SHANK2: variants seen among roughly 807,000 people sequenced by gnomAD.
SHANK2 encodes the protein SH3 and multiple ankyrin repeat domains protein 2.
SHANK2 carries 43 observed loss-of-function variants against 133.7 expected under a neutral mutation model. The observed-to-expected ratio is 0.32, with a 90% CI of 0.25 to 0.41. SHANK2 has a LOEUF of 0.41. SHANK2 is among the 10% of genes least tolerant of loss of function. SHANK2 has a pLI of 1.00. For missense variants in SHANK2, 1,994 were observed against 2,235.8 expected (o/e 0.89, Z 2.18); for synonymous variants, 1,017 against 952.8 (o/e 1.07, Z -1.24).
chr11:70,738,913 CGGCCCAT>C (rs1555034164), intron 14 of SHANK2, among the ~76,000 whole-genome samples: 1 of 152,218 alleles, frequency 6.6e-6, no homozygotes, highest in East Asian at 1.9e-4. Context: ...AATGGAGATC[CGGCCCAT>C]GGAGAAAGAC....
chr11:70,915,421 G>A (rs11237972), intron 10 of SHANK2, among the ~76,000 whole-genome samples: 246 of 152,280 alleles, frequency 1.6e-3, no homozygotes, highest in Non-Finnish European at 3.0e-3. Context: ...AATAATCCAA[G>A]AATAGCTATC....
chr11:70,584,902 T>G (rs1175463267), intron 17 of SHANK2, among the ~76,000 whole-genome samples: 1 of 152,246 alleles, frequency 6.6e-6, no homozygotes, highest in Non-Finnish European at 1.5e-5. Context: ...TTTTGTGTCA[T>G]TCCACTACAT....
intron 2 of SHANK2, among the ~76,000 whole-genome samples, chr11:71,161,847 T>C (rs117052659): frequency 6.6e-6 from 1 of 152,222 alleles, no homozygotes; most frequent in Non-Finnish European, 1.5e-5. Context: ...TCACTCACAT[T>C]TGGCTCAGAA....
chr11:70,599,909 A>AAGAT (rs1565166317), intron 17 of SHANK2, among the ~76,000 whole-genome samples: 6 of 37,506 alleles, frequency 1.6e-4, no homozygotes, highest in African/African-American at 7.0e-4. Flanking sequence ...AAGAAAGAGA[A>AAGAT]AGAAAGAAAG....
chr11:71,203,626 G>A (rs1565512344), intron 2 of SHANK2, among the ~76,000 whole-genome samples: 2 of 152,108 alleles, frequency 1.3e-5, no homozygotes, highest in Non-Finnish European at 1.5e-5. Flanking sequence ...AGAAAGACGG[G>A]GTCCTTACCC....
Position 70,486,911 on chromosome 11 carries a change from C to G in SHANK2, c.3382G>C (p.Glu1128Gln). ...TCCTCGTCAGCAAAATCCCCCTCCT[C>G]GGGGAACATGGAGGGCCGCGTCCTG... ...APRTRPSMFP[E>Q]EGDFADEDSA... Residue 1128 changes from glutamate (E) to glutamine (Q), a missense_variant, in exon 25 of 26, where the codon GAG (glutamate) becomes CAG (glutamine). Physicochemically the swap from Glu to Gln is conservative, Grantham distance 29. Coordinates refer to ENST00000601538, the MANE Select transcript of SHANK2 (RefSeq NM_012309.5). This position sits in a 1 kb window ranked among gnomAD's most constrained non-coding sequence, Gnocchi z 8.0. The G allele has an allele frequency of 2.5e-6, 4 of 1,612,624 alleles. No homozygotes were observed. Among genetic ancestry groups the G allele is most frequent in the Non-Finnish European group, 3.4e-6 (4 of 1,179,812 alleles).
chr11:70,865,797 TTCAC>T (rs1210477301), intron 11 of SHANK2, among the ~76,000 whole-genome samples: 9 of 152,316 alleles, frequency 5.9e-5, no homozygotes, highest in Middle Eastern at 3.4e-3. Context: ...CATTCATTCA[TTCAC>T]TCACTCACTA....
At chr11:71,151,689 C>CG (rs1212248811) in intron 2 of SHANK2, among the ~76,000 whole-genome samples, 1 of 152,160 alleles carries the variant, frequency 6.6e-6, no homozygotes, top group Admixed American at 6.5e-5. Context: ...AAACGGAGGG[C>CG]GGGGGGAGCC....
intron 11 of SHANK2, among the ~76,000 whole-genome samples, chr11:70,891,381 A>G (rs1457100576): frequency 6.6e-6 from 1 of 152,132 alleles, no homozygotes; most frequent in African/African-American, 2.4e-5. Context: ...GGGCGCCCGT[A>G]GTCCCAGCTA....
chr11:71,219,095 G>A (rs545822278), intron 2 of SHANK2, among the ~76,000 whole-genome samples: 32 of 152,358 alleles, frequency 2.1e-4, no homozygotes, highest in Non-Finnish European at 3.7e-4. Context: ...CCAGCATTTA[G>A]AGAAGCCAGA....
chr11:70,560,803 T>C (rs1241878756), intron 17 of SHANK2, among the ~76,000 whole-genome samples: 1 of 152,120 alleles, frequency 6.6e-6, no homozygotes, highest in Non-Finnish European at 1.5e-5. Context: ...AGCTAGTTTT[T>C]GTATTTTTAG....
At chr11:70,549,589 T>G (rs1276266863) in intron 17 of SHANK2, among the ~76,000 whole-genome samples, 3 of 152,130 alleles carry the variant, frequency 2.0e-5, no homozygotes, top group Non-Finnish European at 2.9e-5. Flanking sequence ...GGCTCCCCTC[T>G]CAGAAGCTGG....
At chr11:70,766,979 T>C (rs1947136579) in intron 14 of SHANK2, among the ~76,000 whole-genome samples, 2 of 152,236 alleles carry the variant, frequency 1.3e-5, no homozygotes, top group Non-Finnish European at 2.9e-5. Flanking sequence ...GGAGATGTGA[T>C]GTCCACTCTG....
At chr11:70,568,669 G>A (rs1554982500) in intron 17 of SHANK2, among the ~76,000 whole-genome samples, 2 of 41,640 alleles carry the variant, frequency 4.8e-5, no homozygotes, top group South Asian at 1.1e-3. Context: ...ACTTCCTCCC[G>A]GCCGGGAGCT....
At chr11:70,866,603 A>G (rs879971391) in intron 11 of SHANK2, among the ~76,000 whole-genome samples, 7 of 152,184 alleles carry the variant, frequency 4.6e-5, no homozygotes, top group Non-Finnish European at 8.8e-5. Flanking sequence ...GCATTTGGGA[A>G]TCCGAGGAGA....
chr11:71,207,537 G>C (rs1369909196), intron 2 of SHANK2, among the ~76,000 whole-genome samples: 1 of 152,158 alleles, frequency 6.6e-6, no homozygotes, highest in Non-Finnish European at 1.5e-5. Flanking sequence ...CATTAGGTTT[G>C]TTTGCTTGTT....
chr11:70,492,516 G>C lies in SHANK2; in HGVS notation c.2309-51C>G, dbSNP rs782333360. 3.1e-6 allele frequency: 5 copies of C among 1,610,972 alleles called. No homozygotes were observed. In the East Asian group the frequency reaches 1.1e-4, roughly 36 times the overall value. On this transcript the variant is annotated intron_variant, in intron 21 of 25. Coordinates refer to ENST00000601538, the MANE Select transcript of SHANK2 (RefSeq NM_012309.5). ...GCAGCAACACCAGTGGGGGAAGCTG[G>C]GTGTAGATAGGAAAGCGCACAGGTG...
At chr11:71,090,210 C>T (rs1951484041) in intron 8 of SHANK2, among the ~76,000 whole-genome samples, 1 of 116,504 alleles carries the variant, frequency 8.6e-6, no homozygotes, top group African/African-American at 3.9e-5. Flanking sequence ...ATGTGTCCTG[C>T]TGCTTCTACA....
chr11:70,685,116 C>A (rs1187357419), intron 15 of SHANK2, among the ~76,000 whole-genome samples: 3 of 152,074 alleles, frequency 2.0e-5, no homozygotes, highest in Admixed American at 1.3e-4. Context: ...GTTCCTTAAT[C>A]CCTGCCTTCC....
Sources: gnomAD v4.1 joint callset for allele counts (sites outside exome capture counted in the v4.1 genomes callset) on GRCh38, gnomAD v4.1.1 for gene constraint, Gnocchi (gnomAD v3.1) non-coding constraint, MANE v1.5 for transcripts, NCBI Gene and HGNC (gene_info 2026-07-23, HGNC 2026-07-21) for gene names.